Variants in TAFA2 observed in about 807,000 individuals in gnomAD.
The protein encoded by TAFA2 is chemokine-like protein TAFA-2.
Under a neutral mutation model 18.8 loss-of-function variants are expected in TAFA2, and 7 were observed. The observed-to-expected ratio is 0.37, with a 90% CI of 0.21 to 0.70. TAFA2 has a LOEUF of 0.70. TAFA2 is among the 30% of genes least tolerant of loss of function. The pLI is 0.53. For synonymous variants in TAFA2, 60 were observed against 54.2 expected (o/e 1.11, Z -0.47); for missense variants, 122 against 158.1 (o/e 0.77, Z 1.23).
chr12:62,161,500 G>A (rs1023132592), intron 1 of TAFA2, among the ~76,000 whole-genome samples: 1 of 152,164 alleles, frequency 6.6e-6, no homozygotes, highest in Non-Finnish European at 1.5e-5. Context: ...TAAACAATGT[G>A]TACACATGGA....
chr12:61,939,919 C>T (rs754380861), intron 1 of TAFA2, among the ~76,000 whole-genome samples: 12 of 152,178 alleles, frequency 7.9e-5, no homozygotes, highest in Non-Finnish European at 1.8e-4. Flanking sequence ...AACAGCTTAC[C>T]TGCTTCCACC....
intron 1 of TAFA2, among the ~76,000 whole-genome samples, chr12:62,032,376 G>A (rs1344569193): frequency 1.3e-5 from 2 of 152,118 alleles, no homozygotes; most frequent in Non-Finnish European, 2.9e-5. Context: ...ACATTAGGAT[G>A]TAAACAAACT....
At chr12:61,886,761 T>G (rs1364047630) in intron 1 of TAFA2, among the ~76,000 whole-genome samples, 1 of 152,192 alleles carries the variant, frequency 6.6e-6, no homozygotes, top group Non-Finnish European at 1.5e-5. Flanking sequence ...TACAGGCACT[T>G]AAGGATGAAA....
At chr12:62,193,072 T>C (rs191331882), upstream of TAFA2, among the ~76,000 whole-genome samples, 1 of 152,346 alleles carries the variant, frequency 6.6e-6, no homozygotes, top group Admixed American at 6.5e-5. Flanking sequence ...TGGAAGGTCA[T>C]GTCCTTACAT....
At chr12:62,105,824 ATAATGCAGAGAG>A (rs1445178495) in intron 1 of TAFA2, among the ~76,000 whole-genome samples, 1 of 152,206 alleles carries the variant, frequency 6.6e-6, no homozygotes, top group African/African-American at 2.4e-5. Context: ...TCAGAAGGGG[ATAATGCAGAGAG>A]TAATGCTTTC....
intron 2 of TAFA2, among the ~76,000 whole-genome samples, chr12:61,845,287 A>G (rs2121140946): frequency 6.6e-6 from 1 of 152,216 alleles, no homozygotes; most frequent in East Asian, 1.9e-4. Flanking sequence ...TGAACTTTAA[A>G]TTATTCTTAA....
intron 1 of TAFA2, among the ~76,000 whole-genome samples, chr12:61,963,160 A>C (rs1408696643): frequency 1.3e-5 from 2 of 151,978 alleles, no homozygotes; most frequent in African/African-American, 4.8e-5. Flanking sequence ...TGTCTTTGCT[A>C]TTGTGAACAG....
chr12:61,708,708 G>A lies in TAFA2; in HGVS notation c.*1698C>T, dbSNP rs1466973931. ...TCATTCCATGAACTTATGAGACAGT[G>A]GATTTTAGTTCAATGTGAGATACAT... On this transcript the variant is annotated 3_prime_UTR_variant, in exon 5 of 5. Transcript: ENST00000416284. 1 of 152,010 alleles carries A rather than the reference G, an allele frequency of 6.6e-6. No homozygotes were observed. Among genetic ancestry groups the A allele is most frequent in the Non-Finnish European group, 1.5e-5 (1 of 67,990 alleles). The allele number at this position is 152,010 out of a possible 1,614,324, so 9.4% of individuals were successfully genotyped here. A position where few individuals can be genotyped will look rare whatever the true frequency, so the allele number is the denominator to read the frequency against.
At chr12:62,166,305 C>T (rs1044602010) in intron 1 of TAFA2, among the ~76,000 whole-genome samples, 4 of 152,138 alleles carry the variant, frequency 2.6e-5, no homozygotes, top group African/African-American at 9.7e-5. Flanking sequence ...GCAGTTTATA[C>T]ACTGCTGGTG....
At chr12:61,843,980 G>A (rs1565653589) in intron 2 of TAFA2, among the ~76,000 whole-genome samples, 1 of 152,068 alleles carries the variant, frequency 6.6e-6, no homozygotes, top group African/African-American at 2.4e-5. Flanking sequence ...AAAATGTACA[G>A]CATTAAGAAA....
intron 2 of TAFA2, among the ~76,000 whole-genome samples, chr12:61,809,109 C>T (rs1268441620): frequency 2.0e-5 from 3 of 151,474 alleles, no homozygotes; most frequent in Non-Finnish European, 4.4e-5. Context: ...TGTGTGCGTG[C>T]ATGTGCACGT....
intron 1 of TAFA2, among the ~76,000 whole-genome samples, chr12:61,960,874 G>GA (rs1418454591): frequency 1.3e-5 from 2 of 151,320 alleles, no homozygotes; most frequent in African/African-American, 2.4e-5. Context: ...GATGAAAATA[G>GA]AAAAAAATAG....
intron 1 of TAFA2, among the ~76,000 whole-genome samples, chr12:62,232,537 G>A (rs1304961614): frequency 2.6e-5 from 4 of 151,986 alleles, no homozygotes; most frequent in South Asian, 4.2e-4. Flanking sequence ...GTTCTGACAT[G>A]GAGTCTCACT....
At chr12:62,036,905 T>C (rs1029538407) in intron 1 of TAFA2, among the ~76,000 whole-genome samples, 3 of 152,238 alleles carry the variant, frequency 2.0e-5, no homozygotes, top group African/African-American at 7.2e-5. Flanking sequence ...TCCATCCTTG[T>C]TAACTCAGTT....
chr12:61,724,329 C>CTTTA (rs1354247942), intron 4 of TAFA2, among the ~76,000 whole-genome samples: 1 of 151,678 alleles, frequency 6.6e-6, no homozygotes, highest in Non-Finnish European at 1.5e-5. Flanking sequence ...TTCTCTTTTT[C>CTTTA]TTTCTTTCTT....
At chr12:62,255,796 G>A (rs1490215872) in intron 1 of TAFA2, among the ~76,000 whole-genome samples, 1 of 152,208 alleles carries the variant, frequency 6.6e-6, no homozygotes, top group Non-Finnish European at 1.5e-5. Context: ...GAAGGTTGCA[G>A]TGAGCGGAGA....
intron 2 of TAFA2, among the ~76,000 whole-genome samples, chr12:61,791,514 C>T (rs1350314648): frequency 6.6e-6 from 1 of 151,296 alleles, no homozygotes; most frequent in East Asian, 1.9e-4. Flanking sequence ...AGGCACTCAA[C>T]CCAATAACAA....
intron 1 of TAFA2, among the ~76,000 whole-genome samples, chr12:62,001,582 GA>G (rs1437827257): frequency 1.3e-5 from 2 of 152,026 alleles, no homozygotes; most frequent in Non-Finnish European, 2.9e-5. Flanking sequence ...GCTCCTATGA[GA>G]ATCTAATGCT....
chr12:62,014,567 G>T (rs1052592997), intron 1 of TAFA2, among the ~76,000 whole-genome samples: 1 of 152,186 alleles, frequency 6.6e-6, no homozygotes, highest in African/African-American at 2.4e-5. Flanking sequence ...GGAAGGCAGA[G>T]GCTGCAGTGA....
Sources: gnomAD v4.1 joint callset for allele counts (sites outside exome capture counted in the v4.1 genomes callset) on GRCh38, gnomAD v4.1.1 for gene constraint, MANE v1.5 for transcripts, NCBI Gene and HGNC (gene_info 2026-07-23, HGNC 2026-07-21) for gene names.